The following WDR72 variants were observed in gnomAD, a reference collection of about 807,000 sequenced individuals.
The protein encoded by WDR72 is WD repeat-containing protein 72.
In WDR72, 120 loss-of-function variants were observed where a neutral mutation model predicts 124.2. The ratio of observed to expected loss-of-function variants is 0.97; its 90% confidence interval spans 0.83 to 1.12. The LOEUF (loss-of-function observed/expected upper bound fraction) is 1.12. Among genes scored for constraint, WDR72 ranks in the 50% most tolerant of loss-of-function variants. The probability of loss-of-function intolerance (pLI) is 0.00; values close to 1 mark genes in which losing one functional copy is unlikely to be tolerated. For missense variants in WDR72, 1,387 were observed against 1,278.8 expected (o/e 1.08, Z -1.29); for synonymous variants, 452 against 441.7 (o/e 1.02, Z -0.29).
At chr15:53,677,103 G>A (rs1328366501) in intron 13 of WDR72, among the ~76,000 whole-genome samples, 1 of 151,888 alleles carries the variant, frequency 6.6e-6, no homozygotes, top group Non-Finnish European at 1.5e-5. Flanking sequence ...TGTATTTTTA[G>A]TAGAGACGGG....
chr15:53,688,730 G>T (rs2016733794), intron 13 of WDR72, among the ~76,000 whole-genome samples: 1 of 151,940 alleles, frequency 6.6e-6, no homozygotes, highest in East Asian at 1.9e-4. Context: ...AGTTCATATA[G>T]AACCAAAAAA....
rs192775456 is a variant in WDR72, at chr15:53,657,157, G to A, written c.1962+8415C>T. On this transcript the variant is annotated intron_variant, in intron 14 of 19. Transcript: ENST00000360509. ...CATGCACTTGTAGTCCCAGCTACTCGGGAGGGTGAGGCAGGAGAATCACTT... is the reference window on the plus strand; with the variant it reads ...CATGCACTTGTAGTCCCAGCTACTCAGGAGGGTGAGGCAGGAGAATCACTT... 2.6e-3 allele frequency among the ~76,000 whole-genome samples: 386 copies of A among 150,992 alleles called. 5 individuals are homozygous for A. The highest frequency in any genetic ancestry group is 8.8e-3 in the African/African-American group (362 of 41,108).
chr15:53,646,729 A>G (rs1402762036), intron 14 of WDR72, among the ~76,000 whole-genome samples: 1 of 152,186 alleles, frequency 6.6e-6, no homozygotes, highest in Admixed American at 6.5e-5. Context: ...TGAGAAATAA[A>G]TGTACAACAA....
chr15:53,568,449 G>A (rs1894381346), intron 18 of WDR72, among the ~76,000 whole-genome samples: 1 of 151,918 alleles, frequency 6.6e-6, no homozygotes. Flanking sequence ...ACCACTTAAT[G>A]AGGCAGCCTG....
intron 13 of WDR72, among the ~76,000 whole-genome samples, chr15:53,680,238 A>C (rs1328218012): frequency 1.3e-5 from 2 of 152,186 alleles, no homozygotes; most frequent in Non-Finnish European, 2.9e-5. Context: ...ATATCTATAC[A>C]AGTATGCTTA....
intron 1 of WDR72, among the ~76,000 whole-genome samples, chr15:53,736,258 A>G (rs566435512): frequency 6.6e-6 from 1 of 152,260 alleles, no homozygotes; most frequent in South Asian, 2.1e-4. Flanking sequence ...GTTGGAGTTC[A>G]AATAGTATGA....
At chr15:53,697,261 C>T (rs922243819) in intron 13 of WDR72, among the ~76,000 whole-genome samples, 4 of 152,186 alleles carry the variant, frequency 2.6e-5, no homozygotes, top group African/African-American at 9.7e-5. Context: ...CAACCCACTC[C>T]GTCCTTTCCT....
chr15:53,705,090 G>T lies in WDR72; in HGVS notation c.1246C>A (p.Leu416Ile), dbSNP rs748489316. The T allele has an allele frequency of 1.9e-6, 3 of 1,613,978 alleles. No homozygotes were observed. Among genetic ancestry groups the T allele is most frequent in the Admixed American group, 3.3e-5 (2 of 60,002 alleles). Residue 416 changes from leucine (L) to isoleucine (I), a missense_variant, in exon 11 of 20, where the codon CTT (leucine) becomes ATT (isoleucine). Leu to Ile is a conservative substitution (Grantham distance 5, BLOSUM62 2). Coordinates refer to ENST00000360509, the MANE Select transcript of WDR72 (RefSeq NM_182758.4). ...TCACAGCCACATATTAGTTTATCAA[G>T]ACTTGGAATATACTCTGATGAAGTG... ...VVTSSEYIPS[L>I]DKLICGCEDG... is the part of the protein sequence containing the mutation.
intron 18 of WDR72, among the ~76,000 whole-genome samples, chr15:53,596,792 T>C (rs2012795938): frequency 1.3e-5 from 2 of 152,184 alleles, no homozygotes; most frequent in Non-Finnish European, 2.9e-5. Flanking sequence ...GGCTCAGCTC[T>C]TGAAGAGATG....
chr15:53,645,433 G>A (rs1016189658), intron 14 of WDR72, among the ~76,000 whole-genome samples: 9 of 152,050 alleles, frequency 5.9e-5, no homozygotes, highest in African/African-American at 2.2e-4. Flanking sequence ...TTAATTATAG[G>A]TTTTGTGTTT....
chr15:53,519,524 G>A (rs1019860687), intron 19 of WDR72, among the ~76,000 whole-genome samples: 1 of 152,008 alleles, frequency 6.6e-6, no homozygotes, highest in African/African-American at 2.4e-5. Flanking sequence ...AGTCTAAGCC[G>A]GAAACTTCAA....
intron 1 of WDR72, among the ~76,000 whole-genome samples, chr15:53,751,941 A>G (rs112462513): frequency 8.5e-5 from 13 of 152,348 alleles, no homozygotes; most frequent in African/African-American, 2.6e-4. Flanking sequence ...TAATCCTTGG[A>G]AATCATTAAT....
intron 1 of WDR72, among the ~76,000 whole-genome samples, chr15:53,755,124 G>A (rs2140901515): frequency 6.6e-6 from 1 of 152,248 alleles, no homozygotes; most frequent in Non-Finnish European, 1.5e-5. Flanking sequence ...CCTTCCCCAG[G>A]CGACAGCTAT....
intron 16 of WDR72, 76 bp from the exon 17 acceptor site, chr15:53,609,668 T>C: frequency 3.2e-6 from 4 of 1,233,244 alleles, no homozygotes; most frequent in Non-Finnish European, 4.8e-6. Flanking sequence ...GGCTGCATAT[T>C]AGAATCACCT....
At chr15:53,626,285 CG>C (rs1416049763) in intron 14 of WDR72, among the ~76,000 whole-genome samples, 14 of 152,086 alleles carry the variant, frequency 9.2e-5, no homozygotes, top group African/African-American at 3.4e-4. Flanking sequence ...GGAAGAGAAC[CG>C]TGGGACCCAG....
At chr15:53,759,238 C>T (rs1156703615) in intron 1 of WDR72, 1 of 152,078 alleles carries the variant, frequency 6.6e-6, no homozygotes, top group Non-Finnish European at 1.5e-5. Flanking sequence ...CGATTCCGTT[C>T]CATAGAAGTC....
intron 18 of WDR72, among the ~76,000 whole-genome samples, chr15:53,538,957 T>C (rs1398633473): frequency 2.6e-5 from 4 of 152,142 alleles, no homozygotes; most frequent in Non-Finnish European, 5.9e-5. Context: ...TTATAGATAA[T>C]AGCAATATTC....
intron 1 of WDR72, among the ~76,000 whole-genome samples, chr15:53,757,814 A>G (rs569529633): frequency 8.5e-5 from 13 of 152,130 alleles, no homozygotes; most frequent in Non-Finnish European, 1.5e-4. Context: ...TACTGATACC[A>G]TTATTTTCAA....
intron 1 of WDR72, among the ~76,000 whole-genome samples, chr15:53,740,343 T>C (rs1169242452): frequency 6.6e-6 from 1 of 151,170 alleles, no homozygotes; most frequent in Non-Finnish European, 1.5e-5. Flanking sequence ...AGTCTCTCTC[T>C]GTCGCCCAGG....
Sources: gnomAD v4.1 joint callset for allele counts (sites outside exome capture counted in the v4.1 genomes callset) on GRCh38, gnomAD v4.1.1 for gene constraint, MANE v1.5 for transcripts, NCBI Gene and HGNC (gene_info 2026-07-23, HGNC 2026-07-21) for gene names.